PPEF2: variants seen among roughly 807,000 people sequenced by gnomAD.
PPEF2 encodes the protein protein phosphatase with EF-hand domain 2.
Under a neutral mutation model 84.7 loss-of-function variants are expected in PPEF2, and 84 were observed. That is an observed-to-expected ratio of 0.99 (90% CI 0.83 to 1.19). The LOEUF (loss-of-function observed/expected upper bound fraction) is 1.19, where lower values mean the gene tolerates loss of function less well. PPEF2 is among the 50% of genes most tolerant of loss of function. The pLI is 0.00. For synonymous variants in PPEF2, 346 were observed against 345.2 expected (o/e 1.00, Z -0.03); for missense variants, 924 against 937.5 (o/e 0.99, Z 0.19).
rs530401740 is a variant in PPEF2 at position 75,879,838 on chromosome 4, A to T, written c.933+3088T>A. On this transcript the variant is annotated intron_variant, in intron 10 of 16. Coordinates refer to ENST00000286719, the MANE Select transcript of PPEF2 (RefSeq NM_006239.3). ...TTTTAAAATGTTATTATTTACTTTT[A>T]TTTTTTTTTTGAGATAGGGGTCTCA... is the stretch of plus-strand genomic sequence containing the variant. Among the ~76,000 whole-genome samples the T allele has an allele frequency of 3.0e-3, 456 of 149,520 alleles. 2 individuals are homozygous for T. Among genetic ancestry groups the T allele is most frequent in the Middle Eastern group, 0.014 (4 of 292 alleles).
At chr4:75,861,784 T>C (rs1724008465) in intron 16 of PPEF2, among the ~76,000 whole-genome samples, 2 of 141,254 alleles carry the variant, frequency 1.4e-5, no homozygotes, top group South Asian at 5.4e-4. Flanking sequence ...TAATTTTTTG[T>C]ATTTTTAGTA....
chr4:75,863,029 CAT>C (rs1268187404), intron 16 of PPEF2, among the ~76,000 whole-genome samples: 1 of 152,130 alleles, frequency 6.6e-6, no homozygotes, highest in African/African-American at 2.4e-5. Flanking sequence ...GGCTAGGTGA[CAT>C]AATCCAGACA....
At chr4:75,892,581 C>T (rs1317279569) in intron 2 of PPEF2, among the ~76,000 whole-genome samples, 3 of 152,166 alleles carry the variant, frequency 2.0e-5, no homozygotes, top group Non-Finnish European at 2.9e-5. Flanking sequence ...GCAACTGTGT[C>T]CCAGCTCCCA....
At chr4:75,896,054 C>A (rs1445867125) in intron 2 of PPEF2, among the ~76,000 whole-genome samples, 1 of 152,170 alleles carries the variant, frequency 6.6e-6, no homozygotes, top group East Asian at 1.9e-4. Flanking sequence ...CCCCAATGGA[C>A]AACACTAACT....
intron 10 of PPEF2, among the ~76,000 whole-genome samples, chr4:75,880,675 C>G (rs1219369035): frequency 6.6e-6 from 1 of 152,134 alleles, no homozygotes; most frequent in Non-Finnish European, 1.5e-5. Context: ...CAAGATACAA[C>G]TGATGGCTAG....
chr4:75,887,016 C>A, intron 6 of PPEF2, 118 bp from the exon 7 acceptor site: 1 of 504,036 alleles, frequency 2.0e-6, no homozygotes, highest in Non-Finnish European at 3.6e-6. Flanking sequence ...ACAAAGTTTT[C>A]CATATGTAAG....
rs766186510 is a variant in PPEF2 at position 75,860,736 on chromosome 4, G to A, written c.2193C>T (p.Gly731=). 3.7e-6 allele frequency: 6 copies of A among 1,614,102 alleles called. No homozygotes were observed. The highest frequency in any genetic ancestry group is 1.3e-5 in the African/African-American group (1 of 74,948). ...FRLVEKSCPE[G]DASECPQATN... ...TAGCTTGTGGGCATTCTGAGGCATC[G>A]CCCTCTGGGCAGGATTTCTCCACAA... is the stretch of plus-strand genomic sequence containing the variant. The change falls in exon 17 of 17, where the codon GGC becomes GGT. Residue 731 remains glycine, a synonymous_variant. Transcript: ENST00000286719.
At chr4:75,868,239 C>G (rs1260844861) in intron 13 of PPEF2, among the ~76,000 whole-genome samples, 1 of 139,594 alleles carries the variant, frequency 7.2e-6, no homozygotes, top group African/African-American at 2.6e-5. Context: ...TCACTTGAAC[C>G]CAGGAGGTAG....
chr4:75,866,643 T>C (rs1467165653), intron 14 of PPEF2: 3 of 396,138 alleles, frequency 7.6e-6, no homozygotes, highest in Non-Finnish European at 1.4e-5. Flanking sequence ...TCAAACTTAT[T>C]GAGGCATTTT....
In PPEF2 at chr4:75,888,230, C is replaced by T; in HGVS notation, c.516G>A (p.Glu172=). 6.2e-7 allele frequency: 1 copy of T among 1,611,916 alleles called. No homozygotes were observed. Among genetic ancestry groups the T allele is most frequent in the Non-Finnish European group, 8.5e-7 (1 of 1,178,016 alleles). ...AGCTCTTACCACACACTGTGATCTC[C>T]TCACTGTAACAGGTTGAGACCCGGT... The part of the protein sequence containing the change: ...NINRVSTCYS[E]EITVCGDLHG... Residue 172 remains glutamate (E), a synonymous_variant, in exon 6 of 17, where the codon GAG becomes GAA. Coordinates refer to ENST00000286719, the MANE Select transcript of PPEF2 (RefSeq NM_006239.3).
chr4:75,871,937 G>A, intron 13 of PPEF2, 88 bp downstream of exon 13: 1 of 1,374,732 alleles, frequency 7.3e-7, no homozygotes, highest in Non-Finnish European at 9.9e-7. Context: ...CGTAGAATTT[G>A]AATAAATATA....
chr4:75,899,774 C>A (rs1342681096), intron 1 of PPEF2, among the ~76,000 whole-genome samples: 1 of 89,492 alleles, frequency 1.1e-5, no homozygotes, highest in Non-Finnish European at 2.5e-5. Context: ...GCCATCATGT[C>A]CAAACCAACA....
intron 13 of PPEF2, among the ~76,000 whole-genome samples, chr4:75,869,862 A>G (rs1192386907): frequency 6.6e-6 from 1 of 152,012 alleles, no homozygotes; most frequent in Admixed American, 6.6e-5. Context: ...AAGAAAAAAA[A>G]AAAGAAAAAA....
chr4:75,872,207 T>C (rs1724299337), intron 12 of PPEF2, 40 bp from the exon 13 acceptor site: 18 of 1,592,004 alleles, frequency 1.1e-5, no homozygotes, highest in Non-Finnish European at 1.5e-5. Context: ...TCACATTCAC[T>C]GAAGAAACCT....
intron 10 of PPEF2, among the ~76,000 whole-genome samples, chr4:75,879,822 G>T (rs1434532158): frequency 7.3e-6 from 1 of 137,448 alleles, no homozygotes; most frequent in Non-Finnish European, 1.6e-5. Flanking sequence ...TTTTTAAAAT[G>T]TTATTATTTA....
At chr4:75,899,928 G>A (rs1403089073) in intron 1 of PPEF2, among the ~76,000 whole-genome samples, 2 of 152,050 alleles carry the variant, frequency 1.3e-5, no homozygotes, top group East Asian at 1.9e-4. Flanking sequence ...GTTTGATGTG[G>A]GTGAGAATTT....
intron 1 of PPEF2, among the ~76,000 whole-genome samples, chr4:75,897,218 C>T (rs374593237): frequency 5.3e-5 from 8 of 152,130 alleles, no homozygotes; most frequent in African/African-American, 1.9e-4. Context: ...ATGTTTACTC[C>T]CATCTTCCTG....
Position 75,874,548 on chromosome 4 carries a change from C to A in PPEF2, c.1321-1236G>T, listed in dbSNP as rs143086163. Among the ~76,000 whole-genome samples, 194 of 152,294 alleles carry A rather than the reference C, an allele frequency of 1.3e-3. No individual in the cohort carries two copies. In the Middle Eastern group the frequency reaches 0.027, roughly 21 times the overall value. On this transcript the variant is annotated intron_variant, in intron 11 of 16. Transcript: ENST00000286719. ...TCCTAACCTCAGATGATCCTCCCACCTCAGCCTCCCAAAGTGCTGGGATTA... is the reference window on the plus strand; with the variant it reads ...TCCTAACCTCAGATGATCCTCCCACATCAGCCTCCCAAAGTGCTGGGATTA...
Position 75,860,632 on chromosome 4 carries a change from A to G in PPEF2, c.*35T>C, listed in dbSNP as rs766248840. 33 of 1,609,972 alleles carry G rather than the reference A, an allele frequency of 2.0e-5. No homozygotes were observed. In the South Asian group the frequency reaches 3.1e-4, roughly 15 times the overall value. ...TCTAGTGAGAAGCTGAGCATTGCCT[A>G]TGAGGCACTTTGGGTGATGAAGACC... On this transcript the variant is annotated 3_prime_UTR_variant, in exon 17 of 17. Transcript: ENST00000286719.
Sources: gnomAD v4.1 joint callset for allele counts (sites outside exome capture counted in the v4.1 genomes callset) on GRCh38, gnomAD v4.1.1 for gene constraint, MANE v1.5 for transcripts, NCBI Gene and HGNC (gene_info 2026-07-23, HGNC 2026-07-21) for gene names.